The following KLK8 variants were observed in gnomAD, a reference collection of about 807,000 sequenced individuals.
KLK8 encodes kallikrein related peptidase 8.
KLK8 carries 18 observed loss-of-function variants against 26.7 expected under a neutral mutation model. That is an observed-to-expected ratio of 0.67 (90% CI 0.47 to 1.00). KLK8 has a LOEUF of 1.00. KLK8 is among the 50% of genes least tolerant of loss of function. KLK8 has a pLI of 0.00. For missense variants in KLK8, 301 were observed against 331.7 expected (o/e 0.91, Z 0.72); for synonymous variants, 137 against 127.1 (o/e 1.08, Z -0.52).
At chr19:51,001,109 C>A in exon 3 of KLK8, 1 of 1,611,890 alleles carries the variant, frequency 6.2e-7, no homozygotes, top group Non-Finnish European at 8.5e-7. Flanking sequence ...TGCCCAGGCT[C>A]CCCCCAGCAA....
chr19:51,000,783 G>A, intron 3 of KLK8, 200 bp from the exon 3 acceptor site: 1 of 1,456,884 alleles, frequency 6.9e-7, no homozygotes. Context: ...ACCCAAGAAT[G>A]CCCCCACATG....
intron 3 of KLK8, 102 bp downstream of exon 2, chr19:51,000,989 CATCCGTG>C (rs1273963849): frequency 9.3e-7 from 1 of 1,076,508 alleles, no homozygotes; most frequent in African/African-American, 1.6e-5. Context: ...GCACTCTTCA[CATCCGTG>C]CACACGCACC....
intron 6 of KLK8, among the ~76,000 whole-genome samples, chr19:50,997,391 C>T (rs1055989731): frequency 5.9e-5 from 9 of 152,128 alleles, no homozygotes; most frequent in South Asian, 2.1e-4. Context: ...ACAAATTCCA[C>T]GATGTAATGC....
At chr19:51,000,373 C>G in intron 4 of KLK8, 51 bp downstream of exon 3, 2 of 1,556,966 alleles carry the variant, frequency 1.3e-6, no homozygotes, top group East Asian at 4.5e-5. Context: ...GAAACCCCAG[C>G]CCCCTCTTTC....
intron 5 of KLK8, among the ~76,000 whole-genome samples, chr19:50,998,318 T>G: frequency 6.6e-6 from 1 of 152,152 alleles, no homozygotes; most frequent in Non-Finnish European, 1.5e-5. Flanking sequence ...ATACCATCCC[T>G]CCATTACTCC....
At chr19:51,000,727 C>A in intron 3 of KLK8, 144 bp from the exon 3 acceptor site, 2 of 1,525,286 alleles carry the variant, frequency 1.3e-6, no homozygotes, top group East Asian at 2.3e-5. Flanking sequence ...CGCTGCCACA[C>A]GGGGACACTC....
chr19:51,000,342 C>G lies in KLK8; in HGVS notation c.230+82G>C, dbSNP rs374228031. ...CCTTCAGACCCAGGAGTCCAGTCCT[C>G]AGCTCTCTCCTTCCTGAGTCGAAAC... On this transcript the variant is annotated intron_variant, in intron 4 of 6. Coordinates refer to ENST00000600767, the Ensembl canonical transcript of KLK8. 823 of 1,544,632 alleles carry G rather than the reference C, an allele frequency of 5.3e-4. 2 individuals are homozygous for G. In the Middle Eastern group the frequency reaches 0.011, roughly 20 times the overall value.
exon 5 of KLK8, chr19:51,000,243 G>A: frequency 1.3e-6 from 2 of 1,590,368 alleles, no homozygotes; most frequent in South Asian, 2.3e-5. Flanking sequence ...GGTCTCCCAG[G>A]CGTACTGTGT....
At chr19:51,000,917 G>A (rs1425732446) in intron 3 of KLK8, among the ~76,000 whole-genome samples, 181 bp downstream of exon 2, 1 of 152,156 alleles carries the variant, frequency 6.6e-6, no homozygotes, top group African/African-American at 2.4e-5. Flanking sequence ...CCTACCTGCT[G>A]CTACCTGTTT....
intron 5 of KLK8, 182 bp from the exon 5 acceptor site, chr19:50,998,066 T>C: frequency 1.5e-6 from 1 of 675,232 alleles, no homozygotes; most frequent in Non-Finnish European, 2.4e-6. Context: ...GCTGTACTTG[T>C]TGCTATTGGG....
chr19:50,998,637 G>A (rs2091191480), intron 5 of KLK8, among the ~76,000 whole-genome samples: 3 of 152,162 alleles, frequency 2.0e-5, no homozygotes, highest in South Asian at 2.1e-4. Context: ...ATCTCTACGT[G>A]CCAAAAGCAA....
At chr19:51,000,293 G>A (rs780550421) in intron 4 of KLK8, 35 bp from the exon 4 acceptor site, 1 of 1,553,902 alleles carries the variant, frequency 6.4e-7, no homozygotes, top group Non-Finnish European at 8.7e-7. Context: ...ACCCAGGCAG[G>A]GGTATTGCCC....
chr19:51,000,188 C>T (rs2091208622), exon 5 of KLK8: 1 of 1,610,054 alleles, frequency 6.2e-7, no homozygotes, highest in Non-Finnish European at 8.5e-7. Context: ...ATGGACTGAA[C>T]CACAGGTATT....
chr19:50,997,606 C>G, intron 6 of KLK8, 145 bp downstream of exon 5: 1 of 915,232 alleles, frequency 1.1e-6, no homozygotes, highest in Non-Finnish European at 1.7e-6. Flanking sequence ...CTGAACCTGG[C>G]TCCCAATCCG....
chr19:50,996,254 T>C (rs1232501923), intron 6 of KLK8, 40 bp from the exon 6 acceptor site: 2 of 1,598,902 alleles, frequency 1.3e-6, no homozygotes, highest in Non-Finnish European at 1.7e-6. Flanking sequence ...ATCTGAGATG[T>C]CCACAACGTC....
At position 50,997,793 on chromosome 19, in the gene KLK8, G is replaced by A. The variant is rs773525127; in HGVS notation, c.585C>T (p.Gly195=). The change falls in exon 6 of 7, where the codon GGC becomes GGT. Residue 195 remains glycine (G), a synonymous_variant. Coordinates refer to ENST00000600767, the Ensembl canonical transcript of KLK8. ...CTTTGCTGCTGCCTGCACAGACCATGCCATCTGTGATCTGCCCCGGGTAAG... is the reference window on the plus strand; with the variant it reads ...CTTTGCTGCTGCCTGCACAGACCATACCATCTGTGATCTGCCCCGGGTAAG... The A allele has an allele frequency of 1.9e-6, 3 of 1,613,992 alleles. No individual in the cohort carries two copies. The African/African-American group carries it at 4.0e-5, about 22-fold the overall frequency.
At chr19:50,996,502 G>A (rs2091168621) in intron 6 of KLK8, among the ~76,000 whole-genome samples, 2 of 152,036 alleles carry the variant, frequency 1.3e-5, no homozygotes, top group Admixed American at 6.6e-5. Flanking sequence ...GGGAGGCCGA[G>A]GCGGTAGATC....
rs1231396823 is a variant in KLK8, at chr19:50,996,263, T to C, written c.628-49A>G. ...CCTTGCATCTGAGATGTCCACAACG[T>C]CCCTTTTCCTGCTGTCCCAGCGTTT... On this transcript the variant is annotated intron_variant, in intron 6 of 6. Transcript: ENST00000600767. 1.9e-6 allele frequency: 3 copies of C among 1,589,466 alleles called. No individual in the cohort carries two copies. In the African/African-American group the frequency reaches 4.0e-5, roughly 21 times the overall value.
intron 5 of KLK8, among the ~76,000 whole-genome samples, chr19:50,998,455 G>C (rs542703198): frequency 6.6e-6 from 1 of 152,228 alleles, no homozygotes; most frequent in South Asian, 2.1e-4. Flanking sequence ...ACTTTGTACA[G>C]TTTGCTCATG....
Sources: allele counts gnomAD v4.1 joint callset (sites outside exome capture counted in the v4.1 genomes callset), GRCh38; gene constraint gnomAD v4.1.1; transcripts MANE v1.5; gene names NCBI Gene and HGNC (gene_info 2026-07-23, HGNC 2026-07-21).